AVIL: variants seen among roughly 807,000 people sequenced by gnomAD.
AVIL encodes the protein advillin.
A neutral mutation model predicts 109.9 loss-of-function variants in AVIL; 78 were observed. The ratio of observed to expected loss-of-function variants is 0.71; its 90% CI spans 0.59 to 0.86. The LOEUF is 0.86. AVIL is among the 40% of genes least tolerant of loss of function. The pLI, the probability that AVIL is intolerant of heterozygous loss-of-function variation, is 0.00. For missense variants in AVIL, 892 were observed against 1,016.5 expected (o/e 0.88, Z 1.67); for synonymous variants, 367 against 379.1 (o/e 0.97, Z 0.37).
At position 57,800,024 on chromosome 12, in the gene AVIL, C is replaced by G. The variant is rs1955815520; in HGVS notation, c.2221-104G>C. ...TTTAACATTTTGACTTATGCCACTT[C>G]ACCCTCTGTAATCATCTTTGATAAC... On this transcript the variant is annotated intron_variant, in intron 18 of 19. Coordinates refer to ENST00000549994, the MANE Select transcript of AVIL (RefSeq NM_006576.4). The G allele has an allele frequency of 1.8e-5, 26 of 1,421,124 alleles. No individual in the cohort carries two copies. In the South Asian group the frequency reaches 3.3e-4, roughly 18 times the overall value. 88.0% of individuals were successfully genotyped at this position (1,421,124 alleles called of 1,614,324 possible).
rs112885403 is a variant in AVIL, at chr12:57,801,447, G to C, written c.2152-235C>G. The C allele has an allele frequency of 5.8e-3, 2,083 of 356,366 alleles. 50 individuals are homozygous for C. The highest frequency in any genetic ancestry group is 0.047 in the South Asian group (1,516 of 32,472). The allele number at this position is 356,366 out of a possible 1,614,324, so 22.1% of individuals were successfully genotyped here. On this transcript the variant is annotated intron_variant, in intron 17 of 19. Transcript: ENST00000549994. ...AGTCCTCCCAATAAGATTTAAGAAAGAGCAGTTGAAGGCCAGGCACAGTGG... is the reference window on the plus strand; with the variant it reads ...AGTCCTCCCAATAAGATTTAAGAAACAGCAGTTGAAGGCCAGGCACAGTGG...
At chr12:57,807,305 G>A in intron 13 of AVIL, 26 bp downstream of exon 13, 1 of 1,614,116 alleles carries the variant, frequency 6.2e-7, no homozygotes, top group Admixed American at 1.7e-5. Flanking sequence ...CCAGCTCATG[G>A]TGTAATTTTA....
chr12:57,813,261 C>CT lies in AVIL; in HGVS notation c.303dup (p.Asp102ArgfsTer60), dbSNP rs768119502. On this transcript the variant is annotated frameshift_variant, in exon 4 of 20. Transcript: ENST00000549994. LOFTEE classifies it high-confidence loss of function. ...TGCTTGAAGTAGCCACGGAAAGTGTCTGACTCATGGTACTGGACCTCTCGG... is the reference window on the plus strand; with the variant it reads ...TGCTTGAAGTAGCCACGGAAAGTGTCTTGACTCATGGTACTGGACCTCTCGG... 6.2e-7 allele frequency: 1 copy of CT among 1,613,750 alleles called. No individual in the cohort carries two copies. The highest frequency in any genetic ancestry group is 8.5e-7 in the Non-Finnish European group (1 of 1,179,812).
intron 3 of AVIL, among the ~76,000 whole-genome samples, chr12:57,813,711 C>G (rs1412441768): frequency 6.6e-6 from 1 of 152,226 alleles, no homozygotes; most frequent in Admixed American, 6.5e-5. Flanking sequence ...GCAGGCTTAC[C>G]TCACAGGTCC....
intron 17 of AVIL, 88 bp downstream of exon 17, chr12:57,802,072 C>T: frequency 1.4e-6 from 2 of 1,438,194 alleles, no homozygotes; most frequent in Non-Finnish European, 1.9e-6. Context: ...TTTCACTGAG[C>T]CGTGAATCAG....
chr12:57,803,207 G>C, intron 16 of AVIL, 40 bp downstream of exon 16: 2 of 1,612,512 alleles, frequency 1.2e-6, no homozygotes, highest in Non-Finnish European at 1.7e-6. Context: ...CTTACTGTGG[G>C]AGTCTTTCTC....
At chr12:57,814,282 G>A in intron 2 of AVIL, 56 bp from the exon 3 acceptor site, 1 of 1,521,674 alleles carries the variant, frequency 6.6e-7, no homozygotes, top group Non-Finnish European at 9.0e-7. Flanking sequence ...CCTTCCCCAT[G>A]AGCCTCCCTC....
Position 57,810,442 on chromosome 12 carries a change from A to G in AVIL, c.668T>C (p.Leu223Pro), listed in dbSNP as rs760398723. Reference protein sequence around the residue: ...EAASPELMKVLQDTLGRRSII... With the variant: ...EAASPELMKVPQDTLGRRSII... The stretch of plus-strand genomic sequence containing the variant: ...GGAGCGTCGGCCAAGGGTGTCCTGA[A>G]GGACCTTCATCAGCTCTGGGCTGGC... The change falls in exon 7 of 20, where the codon CTT becomes CCT. Residue 223 changes from leucine (L) to proline (P), a missense_variant. By Grantham distance (98) the Leu-to-Pro change is moderately conservative. Coordinates refer to ENST00000549994, the MANE Select transcript of AVIL (RefSeq NM_006576.4). 6.2e-7 allele frequency: 1 copy of G among 1,614,202 alleles called. No individual in the cohort carries two copies. Among genetic ancestry groups the G allele is most frequent in the Non-Finnish European group, 8.5e-7 (1 of 1,180,046 alleles).
Position 57,808,205 on chromosome 12 carries a change from C to T in AVIL, c.1183G>A (p.Gly395Arg), listed in dbSNP as rs779363553. 8.1e-6 allele frequency: 13 copies of T among 1,614,036 alleles called. No homozygotes were observed. Among genetic ancestry groups the T allele is most frequent in the African/African-American group, 5.3e-5 (4 of 74,928 alleles). The change falls in exon 11 of 20, where the codon GGA becomes AGA. Residue 395 changes from glycine (G) to arginine (R), a missense_variant. Coordinates refer to ENST00000549994, the MANE Select transcript of AVIL (RefSeq NM_006576.4). ...ATCATTGGGCTTACCTCAACTTTTC[C>T]GTTGCCATCATCGACCATTCTTTCC... ...AQERMVDDGN[G>R]KVEVWRIENL...
chr12:57,806,510 C>T lies in AVIL; in HGVS notation c.1521G>A (p.Glu507=). 6.2e-7 allele frequency: 1 copy of T among 1,614,150 alleles called. No homozygotes were observed. The highest frequency in any genetic ancestry group is 1.3e-5 in the African/African-American group (1 of 75,042). ...GGAAGAGTCTTACTGGAGGGTCAGG[C>T]TCGGCATTTCCCTTCCTGGAAGTCC... ...EGGTSRKGNA[E]PDPPVRLFQI... is the part of the protein sequence containing the mutation. Residue 507 remains glutamate, a synonymous_variant, in exon 14 of 20, where the codon GAG becomes GAA. Coordinates refer to ENST00000549994, the MANE Select transcript of AVIL (RefSeq NM_006576.4).
rs188597685 is a variant in AVIL, at chr12:57,814,616, C to T, written c.67-390G>A. ...CCAGCACCTCCAACGCTCTTCCCAA[C>T]GCTGACCACTGGGTGCTGGCCCAGG... On this transcript the variant is annotated intron_variant, in intron 2 of 19. Coordinates refer to ENST00000549994, the MANE Select transcript of AVIL (RefSeq NM_006576.4). The T allele has an allele frequency of 8.5e-3, 1,637 of 193,716 alleles. 9 individuals are homozygous for T. Among genetic ancestry groups the T allele is most frequent in the Non-Finnish European group, 0.012 (1,114 of 91,082 alleles). The allele number at this position is 193,716 out of a possible 1,614,324, so 12.0% of individuals were successfully genotyped here.
chr12:57,812,890 A>G (rs749204667), intron 4 of AVIL, among the ~76,000 whole-genome samples: 1 of 152,186 alleles, frequency 6.6e-6, no homozygotes, highest in Non-Finnish European at 1.5e-5. Context: ...GCTGCTATGA[A>G]CAGTCTGGTC....
At chr12:57,801,003 CAA>C in intron 18 of AVIL, 139 bp downstream of exon 18, 2 of 611,060 alleles carry the variant, frequency 3.3e-6, no homozygotes, top group Non-Finnish European at 5.5e-6. Flanking sequence ...CTATTGATTA[CAA>C]AAAGTCTTTA....
intron 9 of AVIL, 192 bp from the exon 10 acceptor site, chr12:57,808,740 T>G (rs1197203635): frequency 4.7e-6 from 3 of 637,324 alleles, no homozygotes; most frequent in Non-Finnish European, 5.3e-6. Flanking sequence ...AGTGGAACAT[T>G]TTTGGATCTG....
chr12:57,815,344 C>T (rs970424875), intron 2 of AVIL, among the ~76,000 whole-genome samples: 7 of 152,236 alleles, frequency 4.6e-5, no homozygotes, highest in Non-Finnish European at 8.8e-5. Flanking sequence ...GGAGAGCTGA[C>T]TCCCCCTCCT....
At chr12:57,813,510 G>T in intron 3 of AVIL, 87 bp from the exon 4 acceptor site, 1 of 1,352,050 alleles carries the variant, frequency 7.4e-7, no homozygotes. Context: ...TGCAGCACAT[G>T]TGCATGCCCT....
Position 57,802,137 on chromosome 12 carries a change from G to A in AVIL, c.2151+23C>T, listed in dbSNP as rs745336685. 1.2e-5 allele frequency: 20 copies of A among 1,611,238 alleles called. No homozygotes were observed. The African/African-American group carries it at 2.5e-4, about 20-fold the overall frequency. On this transcript the variant is annotated intron_variant, in intron 17 of 19. Coordinates refer to ENST00000549994, the MANE Select transcript of AVIL (RefSeq NM_006576.4). ...CTGAGCTACCTGGCAGGAAGTTAGA[G>A]CTTCCCTACTCTCTTTTCTTACACT...
At chr12:57,811,152 T>C in intron 4 of AVIL, 25 bp from the exon 5 acceptor site, 1 of 1,608,976 alleles carries the variant, frequency 6.2e-7, no homozygotes, top group South Asian at 1.1e-5. Context: ...ATTCAGTTAT[T>C]TGAGTGCCTG....
chr12:57,809,140 G>T (rs549787369), intron 9 of AVIL: 19 of 169,492 alleles, frequency 1.1e-4, no homozygotes, highest in East Asian at 3.3e-4. Context: ...CTGGACTACC[G>T]GCATGCGCCA....
Sources: gnomAD v4.1 joint callset for allele counts (sites outside exome capture counted in the v4.1 genomes callset) on GRCh38, gnomAD v4.1.1 for gene constraint, MANE v1.5 for transcripts, NCBI Gene and HGNC (gene_info 2026-07-23, HGNC 2026-07-21) for gene names.